Variants in PACRGL observed in about 807,000 individuals in gnomAD.
PACRGL encodes PACRG-like protein.
PACRGL carries 38 observed loss-of-function variants against 34.5 expected under a neutral mutation model. That is an observed-to-expected ratio of 1.10 (90% CI 0.85 to 1.44). The LOEUF (loss-of-function observed/expected upper bound fraction) is 1.44, where lower values mean the gene tolerates loss of function less well. PACRGL is among the 40% of genes most tolerant of loss of function. The pLI is 0.00. For missense variants in PACRGL, 305 were observed against 281.4 expected, an observed-to-expected ratio of 1.08 and a Z score of -0.60; for synonymous variants, 128 against 100.1, an observed-to-expected ratio of 1.28 and a Z score of -1.66.
intron 8 of PACRGL, among the ~76,000 whole-genome samples, chr4:20,743,982 C>T (rs1438638454): frequency 1.2e-4 from 18 of 151,538 alleles, no homozygotes; most frequent in Admixed American, 8.5e-4. Flanking sequence ...CAAAAGAAGA[C>T]ATTTATGCAG....
chr4:20,702,829 A>G (rs1463088220), intron 1 of PACRGL: 1 of 152,258 alleles, frequency 6.6e-6, no homozygotes, highest in Non-Finnish European at 1.5e-5. Flanking sequence ...TAGTATTAGA[A>G]AATGGCCCTG....
At chr4:20,741,831 A>G (rs1471595097) in intron 8 of PACRGL, among the ~76,000 whole-genome samples, 1 of 152,138 alleles carries the variant, frequency 6.6e-6, no homozygotes, top group African/African-American at 2.4e-5. Flanking sequence ...AGCAAGGCTA[A>G]TAAAGAAGAA....
intron 8 of PACRGL, among the ~76,000 whole-genome samples, chr4:20,741,030 A>G (rs547042835): frequency 2.0e-5 from 3 of 152,336 alleles, no homozygotes; most frequent in Non-Finnish European, 4.4e-5. Flanking sequence ...AACTATCCTA[A>G]ATATATATGC....
chr4:20,738,036 A>T (rs545659270), intron 8 of PACRGL, among the ~76,000 whole-genome samples: 201 of 152,002 alleles, frequency 1.3e-3, no homozygotes, highest in Non-Finnish European at 2.6e-3. Flanking sequence ...GGAGGCTGAG[A>T]TGGGAATCAC....
downstream of PACRGL, chr4:20,732,717 T>A: frequency 1.2e-6 from 2 of 1,612,700 alleles, no homozygotes; most frequent in Non-Finnish European, 1.7e-6. Context: ...TGGGAGCATC[T>A]TCTTTGAGGA....
downstream of PACRGL, among the ~76,000 whole-genome samples, chr4:20,754,973 C>G (rs1284865551): frequency 6.6e-6 from 1 of 152,048 alleles, no homozygotes; most frequent in Non-Finnish European, 1.5e-5. Context: ...TTTAAAAAAT[C>G]CATGGGTTTT....
rs79824457 is a variant in PACRGL at position 20,706,430 on chromosome 4, T to C, written c.208-1373T>C. Among the ~76,000 whole-genome samples the C allele has an allele frequency of 4.6e-5, 7 of 152,330 alleles. No individual in the cohort carries two copies. The East Asian group carries it at 1.2e-3, about 25-fold the overall frequency. ...TTTTTCTCCAATATGTGTAGCACTT[T>C]TTCAAACAACTTTCTTATCGGATAT... On this transcript the variant is annotated intron_variant, in intron 3 of 8. Coordinates refer to ENST00000503585, the MANE Select transcript of PACRGL (RefSeq NM_001258345.3).
intron 7 of PACRGL, among the ~76,000 whole-genome samples, chr4:20,721,548 G>T (rs1036026355): frequency 3.9e-5 from 6 of 152,148 alleles, no homozygotes; most frequent in African/African-American, 1.4e-4. Context: ...CTAACAGTTG[G>T]GACGCTCAGC....
At chr4:20,765,076 A>C in the PACRGL span, among the ~76,000 whole-genome samples, 7 of 152,178 alleles carry the variant, frequency 4.6e-5, no homozygotes, top group African/African-American at 1.7e-4. Context: ...TTTATTCAAT[A>C]AGTAGTTATT....
At chr4:20,697,491 T>G (rs531581899), upstream of PACRGL, among the ~76,000 whole-genome samples, 5 of 152,186 alleles carry the variant, frequency 3.3e-5, no homozygotes, top group Admixed American at 6.5e-5. Context: ...TTATATAATA[T>G]GGAGTAACAA....
At position 20,730,204 on chromosome 4, in the gene PACRGL, T is replaced by G; in HGVS notation, c.*2863T>G. 1 of 1,496,054 alleles carries G rather than the reference T, an allele frequency of 6.7e-7. No individual in the cohort carries two copies. 92.7% of individuals were successfully genotyped at this position (1,496,054 alleles called of 1,614,324 possible). On this transcript the variant is annotated 3_prime_UTR_variant, in exon 9 of 9. Transcript: ENST00000503585. Reference sequence around the variant, plus strand: ...AAGTACACTATTTTGCCCCTGAGTATTGCCTCCTCCCATCAACCACCTCAA... The same window carrying G: ...AAGTACACTATTTTGCCCCTGAGTAGTGCCTCCTCCCATCAACCACCTCAA...
chr4:20,760,758 C>T, the PACRGL span, among the ~76,000 whole-genome samples: 4 of 151,930 alleles, frequency 2.6e-5, no homozygotes, highest in South Asian at 2.1e-4. Context: ...GACAAGGTTT[C>T]GTATTAGATG....
intron 8 of PACRGL, among the ~76,000 whole-genome samples, chr4:20,751,536 A>AG (rs902698310): frequency 2.7e-5 from 4 of 147,624 alleles, no homozygotes; most frequent in Non-Finnish European, 4.5e-5. Context: ...TTTTCAGAGG[A>AG]GGAAAAAAAA....
chr4:20,761,431 G>A, the PACRGL span, among the ~76,000 whole-genome samples: 1 of 152,150 alleles, frequency 6.6e-6, no homozygotes, highest in East Asian at 1.9e-4. Flanking sequence ...CTATCTAGCT[G>A]ACACCAATGG....
rs1746588693 is a variant in PACRGL, at chr4:20,728,266, G to C, written c.*925G>C. ...AATTTTAGGTGTTAACTGTATTTAA[G>C]TAAATGTGTTATTTTTGCATTTCAT... On this transcript the variant is annotated 3_prime_UTR_variant, in exon 9 of 9. Coordinates refer to ENST00000503585, the MANE Select transcript of PACRGL (RefSeq NM_001258345.3). 1.3e-5 allele frequency: 2 copies of C among 152,098 alleles called. No homozygotes were observed. The highest frequency in any genetic ancestry group is 1.3e-4 in the Admixed American group (2 of 15,278). The allele number at this position is 152,098 out of a possible 1,614,324, so 9.4% of individuals were successfully genotyped here.
chr4:20,729,504 T>C lies in PACRGL; in HGVS notation c.*2163T>C, dbSNP rs1196812213. The C allele has an allele frequency of 6.7e-6, 1 of 149,132 alleles. No homozygotes were observed. Among genetic ancestry groups the C allele is most frequent in the Non-Finnish European group, 1.5e-5 (1 of 67,458 alleles). The allele number at this position is 149,132 out of a possible 1,614,324, so 9.2% of individuals were successfully genotyped here. A position where few individuals can be genotyped will look rare whatever the true frequency, so the allele number is the denominator to read the frequency against. On this transcript the variant is annotated 3_prime_UTR_variant, in exon 9 of 9. Transcript: ENST00000503585. ...TAAATGTTTAATAATTTTTAAATGT[T>C]TAAAAATGCCAGATAAAACTAATTT...
intron 1 of PACRGL, among the ~76,000 whole-genome samples, chr4:20,703,936 G>A (rs1251383300): frequency 6.6e-6 from 1 of 152,136 alleles, no homozygotes; most frequent in African/African-American, 2.4e-5. Flanking sequence ...GGTACCCTGG[G>A]TTAACAAGGG....
intron 1 of PACRGL, chr4:20,702,298 T>G: frequency 2.3e-6 from 1 of 439,466 alleles, no homozygotes; most frequent in Non-Finnish European, 4.6e-6. Flanking sequence ...GGTACGCGTC[T>G]TTGCTGTGCA....
intron 1 of PACRGL, among the ~76,000 whole-genome samples, chr4:20,703,506 GTGTGTT>G (rs747639810): frequency 0.11 from 14,872 of 141,556 alleles, 861 homozygotes; most frequent in East Asian, 0.27. Flanking sequence ...GTGTGTGTGT[GTGTGTT>G]TGTGTGTGTG....
Sources: gnomAD v4.1 joint callset for allele counts (sites outside exome capture counted in the v4.1 genomes callset) on GRCh38, gnomAD v4.1.1 for gene constraint, MANE v1.5 for transcripts, NCBI Gene and HGNC (gene_info 2026-07-23, HGNC 2026-07-21) for gene names.